The following CACNG2 variants were observed in gnomAD, a reference collection of about 807,000 sequenced individuals.
CACNG2 encodes the protein calcium voltage-gated channel auxiliary subunit gamma 2, also known as voltage-dependent calcium channel gamma-2 subunit.
Under a neutral mutation model 25.9 loss-of-function variants are expected in CACNG2, and 3 were observed. That is an observed-to-expected ratio of 0.12 (90% CI 0.05 to 0.30). The LOEUF (loss-of-function observed/expected upper bound fraction) is 0.30. CACNG2 is among the 10% of genes least tolerant of loss of function. The probability of loss-of-function intolerance (pLI) is 1.00; values close to 1 mark genes in which losing one functional copy is unlikely to be tolerated. For synonymous variants in CACNG2, 167 were observed against 173.3 expected (o/e 0.96, Z 0.29); for missense variants, 341 against 432.5 (o/e 0.79, Z 1.88).
rs56791508 is a variant in CACNG2, at chr22:36,563,366, CGGGG to C, written c.*981_*984del. ...GGAGGGAGAGCTGTTTCATGTCCCC[CGGGG>C]GGGGGGGTGGCATCTCCTGACCCCA... On this transcript the variant is annotated 3_prime_UTR_variant, in exon 4 of 4. Coordinates refer to ENST00000300105, the MANE Select transcript of CACNG2 (RefSeq NM_006078.5). Among the ~76,000 whole-genome samples, 1 of 148,032 alleles carries C rather than the reference CGGGG, an allele frequency of 6.8e-6. No homozygotes were observed. The highest frequency in any genetic ancestry group is 6.7e-5 in the Admixed American group (1 of 14,910).
chr22:36,602,353 T>C (rs1448969354), intron 1 of CACNG2, among the ~76,000 whole-genome samples: 10 of 152,036 alleles, frequency 6.6e-5, no homozygotes, highest in Admixed American at 6.6e-4. Flanking sequence ...TAGTCTTTTA[T>C]ATGTATTTAT....
At chr22:36,566,173 C>T (rs1002650027) in intron 3 of CACNG2, among the ~76,000 whole-genome samples, 180 bp downstream of exon 3, 4 of 152,136 alleles carry the variant, frequency 2.6e-5, no homozygotes, top group East Asian at 1.9e-4. Flanking sequence ...GGTACAGGCT[C>T]GGGAGTTGCT....
chr22:36,564,490 A>AG lies in CACNG2; in HGVS notation c.832dup (p.Leu278ProfsTer17). 1 of 1,614,014 alleles carries AG rather than the reference A, an allele frequency of 6.2e-7. No individual in the cohort carries two copies. The highest frequency in any genetic ancestry group is 8.5e-7 in the Non-Finnish European group (1 of 1,179,958). On this transcript the variant is annotated frameshift_variant, in exon 4 of 4. Transcript: ENST00000300105. LOFTEE classifies it high-confidence loss of function. This position sits in a 1 kb window ranked among gnomAD's most constrained non-coding sequence, Gnocchi z 6.7. Reference sequence around the variant, plus strand: ...GGCGGTGGGCGTGGTGGCGGCCTTCAGGGGGTCCCTGCTGAGCGTGTACAT... The same window carrying AG: ...GGCGGTGGGCGTGGTGGCGGCCTTCAGGGGGGTCCCTGCTGAGCGTGTACAT...
intron 2 of CACNG2, among the ~76,000 whole-genome samples, chr22:36,579,008 C>T (rs1231968399): frequency 2.6e-5 from 4 of 152,166 alleles, no homozygotes; most frequent in Admixed American, 2.6e-4. Flanking sequence ...CCTACATTCC[C>T]AGCCTCAGAG....
chr22:36,606,032 A>T lies in CACNG2; in HGVS notation c.212-18484T>A, dbSNP rs957125115. Among the ~76,000 whole-genome samples, 1 of 152,192 alleles carries T rather than the reference A, an allele frequency of 6.6e-6. No individual in the cohort carries two copies. The highest frequency in any genetic ancestry group is 1.5e-5 in the Non-Finnish European group (1 of 68,034). On this transcript the variant is annotated intron_variant, in intron 1 of 3. Transcript: ENST00000300105. This position sits in a 1 kb window ranked among gnomAD's most constrained non-coding sequence, Gnocchi z 5.7. ...CCTCTCGCAGGAGAGCGTGGGTCTGAGTTCTCTTTCTGCCGTGTATTAACC... is the reference window on the plus strand; with the variant it reads ...CCTCTCGCAGGAGAGCGTGGGTCTGTGTTCTCTTTCTGCCGTGTATTAACC...
chr22:36,681,979 C>G (rs1937130563), intron 1 of CACNG2, among the ~76,000 whole-genome samples: 1 of 152,222 alleles, frequency 6.6e-6, no homozygotes, highest in Admixed American at 6.5e-5. Context: ...CAGGGACCAA[C>G]TCTCCCTCTA....
chr22:36,597,887 C>T (rs1196641785), intron 1 of CACNG2, among the ~76,000 whole-genome samples: 1 of 152,208 alleles, frequency 6.6e-6, no homozygotes, highest in Non-Finnish European at 1.5e-5. Flanking sequence ...CACCTTTTAG[C>T]TGCTTTGGTC....
chr22:36,590,737 A>T (rs1251914805), intron 1 of CACNG2, among the ~76,000 whole-genome samples: 1 of 151,786 alleles, frequency 6.6e-6, no homozygotes, highest in African/African-American at 2.4e-5. Context: ...GCTCGGAAAC[A>T]CTCCAGCTTC....
intron 2 of CACNG2, among the ~76,000 whole-genome samples, chr22:36,568,834 T>TG (rs1935175091): frequency 9.4e-6 from 1 of 106,884 alleles, no homozygotes; most frequent in African/African-American, 3.7e-5. Context: ...GCAGGGCTCT[T>TG]GGGGCAAAAC....
intron 2 of CACNG2, among the ~76,000 whole-genome samples, chr22:36,581,543 G>A (rs1323709585): frequency 1.3e-5 from 2 of 152,152 alleles, no homozygotes; most frequent in African/African-American, 2.4e-5. Context: ...GGCATTCTCT[G>A]TCCTCCCTCT....
chr22:36,657,718 C>T (rs577520452), intron 1 of CACNG2, among the ~76,000 whole-genome samples: 35 of 152,094 alleles, frequency 2.3e-4, no homozygotes, highest in African/African-American at 8.2e-4. Flanking sequence ...TAAGATTGGC[C>T]CGCAAATGGA....
At chr22:36,641,418 T>G (rs923032055) in intron 1 of CACNG2, among the ~76,000 whole-genome samples, 6 of 152,210 alleles carry the variant, frequency 3.9e-5, no homozygotes, top group Non-Finnish European at 7.3e-5. Flanking sequence ...GCCTGGCCCA[T>G]GGTAGGTATT....
intron 1 of CACNG2, among the ~76,000 whole-genome samples, chr22:36,699,888 A>G (rs1375996039): frequency 1.3e-5 from 2 of 152,222 alleles, no homozygotes; most frequent in Admixed American, 6.5e-5. Flanking sequence ...ACAATCTCCA[A>G]ACTACTTCCT....
intron 1 of CACNG2, among the ~76,000 whole-genome samples, chr22:36,664,387 C>G (rs1438904864): frequency 3.3e-5 from 5 of 152,360 alleles, no homozygotes. Flanking sequence ...CAGCAGTGAA[C>G]AGGATGAGCA....
intron 1 of CACNG2, among the ~76,000 whole-genome samples, chr22:36,589,207 C>T (rs1935550622): frequency 6.6e-6 from 1 of 152,046 alleles, no homozygotes; most frequent in Non-Finnish European, 1.5e-5. Context: ...CCAGGCTGGT[C>T]CCCCACTCCT....
intron 1 of CACNG2, among the ~76,000 whole-genome samples, chr22:36,641,387 G>A (rs1247981093): frequency 6.6e-6 from 1 of 152,170 alleles, no homozygotes; most frequent in Non-Finnish European, 1.5e-5. Flanking sequence ...CAGTAAGGAT[G>A]AACAATGCTT....
intron 1 of CACNG2, among the ~76,000 whole-genome samples, chr22:36,656,866 C>T (rs918626180): frequency 2.6e-5 from 4 of 152,224 alleles, no homozygotes; most frequent in Non-Finnish European, 4.4e-5. Flanking sequence ...CGCTCTCTGG[C>T]CCCCTTCCTG....
intron 1 of CACNG2, among the ~76,000 whole-genome samples, chr22:36,628,571 A>T (rs1346672743): frequency 1.3e-5 from 2 of 152,180 alleles, no homozygotes; most frequent in Non-Finnish European, 2.9e-5. Context: ...CCAGAAATCA[A>T]ATGGAAGGGA....
At chr22:36,653,255 T>C (rs778795298) in intron 1 of CACNG2, among the ~76,000 whole-genome samples, 41 of 150,926 alleles carry the variant, frequency 2.7e-4, no homozygotes, top group Admixed American at 1.3e-4. Flanking sequence ...ACCCGGGAGG[T>C]GGAGGTTGCA....
Sources: gnomAD v4.1 joint callset for allele counts (sites outside exome capture counted in the v4.1 genomes callset) on GRCh38, gnomAD v4.1.1 for gene constraint, Gnocchi (gnomAD v3.1) non-coding constraint, MANE v1.5 for transcripts, NCBI Gene and HGNC (gene_info 2026-07-23, HGNC 2026-07-21) for gene names.